The following PPARGC1B variants were observed in gnomAD, a reference collection of about 807,000 sequenced individuals.
PPARGC1B encodes the protein PPARG coactivator 1 beta, also known as peroxisome proliferator-activated receptor gamma coactivator 1-beta.
A neutral mutation model predicts 101.6 loss-of-function variants in PPARGC1B; 34 were observed. The ratio of observed to expected loss-of-function variants is 0.33; its 90% CI spans 0.25 to 0.45. The LOEUF is 0.45. PPARGC1B is among the 20% of genes least tolerant of loss of function. The pLI, the probability that PPARGC1B is intolerant of heterozygous loss-of-function variation, is 1.00. For synonymous variants in PPARGC1B, 548 were observed against 539.3 expected, an observed-to-expected ratio of 1.02 and a Z score of -0.22; for missense variants, 1,234 against 1,317.6, an observed-to-expected ratio of 0.94 and a Z score of 0.98.
intron 10 of PPARGC1B, among the ~76,000 whole-genome samples, chr5:149,843,906 C>G (rs978099996): frequency 2.0e-5 from 3 of 152,182 alleles, no homozygotes; most frequent in Non-Finnish European, 4.4e-5. Flanking sequence ...AAGACAAATA[C>G]TGTATGATTT....
At chr5:149,857,762 A>G (rs1208502397), downstream of PPARGC1B, among the ~76,000 whole-genome samples, 1 of 152,244 alleles carries the variant, frequency 6.6e-6, no homozygotes, top group Non-Finnish European at 1.5e-5. Flanking sequence ...GAGGGAAGCC[A>G]GGGAACTGTG....
chr5:149,848,226 T>G lies in PPARGC1B; in HGVS notation c.*668T>G. The G allele has an allele frequency of 6.5e-6, 1 of 152,712 alleles. No homozygotes were observed. The highest frequency in any genetic ancestry group is 1.9e-4 in the East Asian group (1 of 5,172). The allele number at this position is 152,712 out of a possible 1,614,324, so 9.5% of individuals were successfully genotyped here. On this transcript the variant is annotated 3_prime_UTR_variant, in exon 12 of 12. Transcript: ENST00000309241. ...TGCCAAGCCCTGCCTTGTCTCTTAC[T>G]GAGCAAGTTTGGCTCAAATTATAGG...
At position 149,847,854 on chromosome 5, in the gene PPARGC1B, C is replaced by T. The variant is rs1759629938; in HGVS notation, c.*296C>T. ...GAAGTGCCGGGTCCGTCACCCATCGCCCCTTCCTTCCCGACTGACTTCCTC... is the reference window on the plus strand; with the variant it reads ...GAAGTGCCGGGTCCGTCACCCATCGTCCCTTCCTTCCCGACTGACTTCCTC... On this transcript the variant is annotated 3_prime_UTR_variant, in exon 12 of 12. Transcript: ENST00000309241. 2.4e-6 allele frequency: 1 copy of T among 412,192 alleles called. No homozygotes were observed. Among genetic ancestry groups the T allele is most frequent in the African/African-American group, 2.0e-5 (1 of 50,798 alleles). 25.5% of individuals were successfully genotyped at this position (412,192 alleles called of 1,614,324 possible).
chr5:149,793,354 G>A (rs1757093383), intron 1 of PPARGC1B, among the ~76,000 whole-genome samples: 1 of 152,152 alleles, frequency 6.6e-6, no homozygotes, highest in Non-Finnish European at 1.5e-5. Context: ...AGTCCCAGGA[G>A]AAAAACAGAA....
At chr5:149,801,173 T>TA (rs1247446207) in intron 1 of PPARGC1B, among the ~76,000 whole-genome samples, 12 of 152,152 alleles carry the variant, frequency 7.9e-5, no homozygotes, top group African/African-American at 2.9e-4. Context: ...ATTGAGCACT[T>TA]ACTATGTGCC....
chr5:149,779,352 G>A (rs1006149215), intron 1 of PPARGC1B, among the ~76,000 whole-genome samples: 1 of 152,186 alleles, frequency 6.6e-6, no homozygotes, highest in Non-Finnish European at 1.5e-5. Flanking sequence ...GGCACTTTGC[G>A]TCTGGGGGAG....
At chr5:149,825,514 T>G (rs1284435452) in intron 2 of PPARGC1B, among the ~76,000 whole-genome samples, 2 of 152,234 alleles carry the variant, frequency 1.3e-5, no homozygotes, top group African/African-American at 2.4e-5. Flanking sequence ...AAGCCTACCT[T>G]TAAGTATCAG....
intron 1 of PPARGC1B, among the ~76,000 whole-genome samples, chr5:149,780,204 C>A (rs530369285): frequency 6.6e-6 from 1 of 152,360 alleles, no homozygotes; most frequent in Non-Finnish European, 1.5e-5. Context: ...ACCCAGAGCA[C>A]AGGCTCCAGC....
chr5:149,753,857 A>G (rs923225201), intron 1 of PPARGC1B, among the ~76,000 whole-genome samples: 3 of 151,634 alleles, frequency 2.0e-5, no homozygotes, highest in African/African-American at 7.3e-5. Context: ...CCACGCCCAG[A>G]TAATTTTTGT....
intron 1 of PPARGC1B, among the ~76,000 whole-genome samples, chr5:149,742,132 A>C (rs1035061794): frequency 6.6e-6 from 1 of 152,128 alleles, no homozygotes; most frequent in Non-Finnish European, 1.5e-5. Flanking sequence ...TCTCAGAGGA[A>C]CCCCATGAGG....
intron 2 of PPARGC1B, 133 bp from the exon 3 acceptor site, chr5:149,826,540 A>T: frequency 1.5e-6 from 1 of 682,892 alleles, no homozygotes; most frequent in Non-Finnish European, 2.6e-6. Context: ...GGCAGAGGGG[A>T]GGGTATGGCA....
intron 1 of PPARGC1B, among the ~76,000 whole-genome samples, chr5:149,755,046 C>CATACATATATATAT (rs1438235435): frequency 2.8e-5 from 3 of 105,604 alleles, no homozygotes; most frequent in Non-Finnish European, 5.7e-5. Context: ...TATACATATA[C>CATACATATATATAT]ATATACATAT....
intron 2 of PPARGC1B, among the ~76,000 whole-genome samples, chr5:149,822,304 T>C (rs960512780): frequency 2.0e-5 from 3 of 152,112 alleles, no homozygotes; most frequent in Non-Finnish European, 4.4e-5. Context: ...TACTAATGCT[T>C]TCAGGCACAA....
chr5:149,745,891 A>G (rs1755070675), intron 1 of PPARGC1B, among the ~76,000 whole-genome samples: 1 of 152,052 alleles, frequency 6.6e-6, no homozygotes, highest in Non-Finnish European at 1.5e-5. Flanking sequence ...TTACTTTATG[A>G]GTGAATGGGT....
At chr5:149,811,114 G>A (rs1057511313) in intron 1 of PPARGC1B, among the ~76,000 whole-genome samples, 1 of 152,198 alleles carries the variant, frequency 6.6e-6, no homozygotes, top group Admixed American at 6.5e-5. Flanking sequence ...CATATGACAT[G>A]TATATTCATT....
chr5:149,845,214 C>A (rs1293626431), intron 10 of PPARGC1B, among the ~76,000 whole-genome samples: 1 of 152,136 alleles, frequency 6.6e-6, no homozygotes, highest in African/African-American at 2.4e-5. Context: ...AGAAGACCAG[C>A]CCTACTAGGG....
rs1335924876 is a variant in PPARGC1B, at chr5:149,755,621, A to G, written c.78+25201A>G. Among the ~76,000 whole-genome samples the G allele has an allele frequency of 2.2e-3, 290 of 133,736 alleles. 1 individual carries two copies. Among genetic ancestry groups the G allele is most frequent in the African/African-American group, 7.1e-3 (237 of 33,446 alleles). The allele number at this position is 133,736 out of a possible 152,430, so 87.7% of individuals were successfully genotyped here. On this transcript the variant is annotated intron_variant, in intron 1 of 11. Transcript: ENST00000309241. Reference sequence around the variant, plus strand: ...TGTTATTATTATTATTATTGTTATTATTATTATTATTATTATTATTATTAT... The same window carrying G: ...TGTTATTATTATTATTATTGTTATTGTTATTATTATTATTATTATTATTAT...
chr5:149,797,969 T>C (rs1207771748), intron 1 of PPARGC1B, among the ~76,000 whole-genome samples: 1 of 152,186 alleles, frequency 6.6e-6, no homozygotes, highest in East Asian at 1.9e-4. Flanking sequence ...TATGCATTCA[T>C]AAATGTTGTG....
intron 1 of PPARGC1B, among the ~76,000 whole-genome samples, chr5:149,788,855 T>C (rs919743836): frequency 1.3e-5 from 2 of 152,088 alleles, no homozygotes; most frequent in Non-Finnish European, 2.9e-5. Flanking sequence ...ATGTTCTCAC[T>C]CATAGGTGGG....
Sources: allele counts gnomAD v4.1 joint callset (sites outside exome capture counted in the v4.1 genomes callset), GRCh38; gene constraint gnomAD v4.1.1; transcripts MANE v1.5; gene names NCBI Gene and HGNC (gene_info 2026-07-23, HGNC 2026-07-21).